Variants in KCNH2 observed in about 807,000 individuals in gnomAD.
The protein encoded by KCNH2 is voltage-gated inwardly rectifying potassium channel KCNH2.
Under a neutral mutation model 95.9 loss-of-function variants are expected in KCNH2, and 35 were observed. The observed-to-expected ratio is 0.37, with a 90% CI of 0.28 to 0.48. The LOEUF (loss-of-function observed/expected upper bound fraction) is 0.48, where lower values mean the gene tolerates loss of function less well. Ranked by LOEUF, KCNH2 falls within the 20% of genes least tolerant of loss-of-function variation. KCNH2 has a pLI of 0.99. For synonymous variants in KCNH2, 786 were observed against 754.7 expected, an observed-to-expected ratio of 1.04 and a Z score of -0.68; for missense variants, 1,274 against 1,702.9, an observed-to-expected ratio of 0.75 and a Z score of 4.43.
At chr7:150,973,915 G>A (rs1239544446) in intron 2 of KCNH2, among the ~76,000 whole-genome samples, 1 of 152,184 alleles carries the variant, frequency 6.6e-6, no homozygotes, top group African/African-American at 2.4e-5. Context: ...TTCCAGAGCC[G>A]CCTCTGCAGC....
At position 150,950,190 on chromosome 7, in the gene KCNH2, G is replaced by A. The variant is rs745993706; in HGVS notation, c.2376C>T (p.Gly792=). 162 of 1,609,186 alleles carry A rather than the reference G, an allele frequency of 1.0e-4. No individual in the cohort carries two copies. Among genetic ancestry groups the A allele is most frequent in the Non-Finnish European group, 1.3e-4 (157 of 1,178,640 alleles). ...ISRGSIEILR[G]DVVVAILGKN... is the part of the protein sequence containing the mutation. ...TACCCAGGATGGCCACGACGACGTC[G>A]CCCCGCAGGATCTCGATGGAGCCCC... The change falls in exon 9 of 15, where the codon GGC becomes GGT. Residue 792 remains glycine (G), a synonymous_variant. Transcript: ENST00000262186.
Position 150,947,043 on chromosome 7 carries a change from C to A in KCNH2, c.3164G>T (p.Arg1055Leu). The A allele has an allele frequency of 6.3e-7, 1 of 1,584,746 alleles. No homozygotes were observed. The highest frequency in any genetic ancestry group is 8.6e-7 in the Non-Finnish European group (1 of 1,163,130). Residue 1055 changes from arginine to leucine, a missense_variant, in exon 14 of 15, where the codon CGG becomes CTG. By Grantham distance (102) the Arg-to-Leu change is moderately radical. Coordinates refer to ENST00000262186, the MANE Select transcript of KCNH2 (RefSeq NM_000238.4). ...GACAGTGGCCATGTCTGCACTCAGCCGGGTCTCCAGCCTGGGGCAGGAAGT... is the reference window on the plus strand; with the variant it reads ...GACAGTGGCCATGTCTGCACTCAGCAGGGTCTCCAGCCTGGGGCAGGAAGT... The part of the protein sequence containing the change: ...LQRQLNRLET[R>L]LSADMATVLQ...
intron 8 of KCNH2, 21 bp from the exon 9 acceptor site, chr7:150,950,441 G>A: frequency 1.2e-6 from 2 of 1,609,540 alleles, no homozygotes; most frequent in East Asian, 4.5e-5. Flanking sequence ...GGTGGGGGCA[G>A]CTCAGCACAC....
rs1801552782 is a variant in KCNH2 at position 150,961,027 on chromosome 7, G to A, written c.308-1291C>T. Among the ~76,000 whole-genome samples, 1 of 152,168 alleles carries A rather than the reference G, an allele frequency of 6.6e-6. No homozygotes were observed. Among genetic ancestry groups the A allele is most frequent in the Admixed American group, 6.5e-5 (1 of 15,286 alleles). On this transcript the variant is annotated intron_variant, in intron 2 of 14. Coordinates refer to ENST00000262186, the MANE Select transcript of KCNH2 (RefSeq NM_000238.4). The surrounding 1 kb of genome is among the most constrained non-coding windows in gnomAD (Gnocchi z 6.2). ...CTCCAGCTCCTCTATGGCCCCCCAG[G>A]GACCCACCAGGCAGGCTCCTCATCT...
At chr7:150,947,572 C>T (rs564771330) in intron 12 of KCNH2, 34 bp downstream of exon 12, 56 of 1,608,760 alleles carry the variant, frequency 3.5e-5, no homozygotes, top group East Asian at 3.1e-4. Context: ...CTGCCACGCC[C>T]GGTCCTCCCT....
rs1554428944 is a variant in KCNH2, at chr7:150,962,627, C to CAGACAGAGAGAGAG, written c.308-2892_308-2891insCTCTCTCTCTGTCT. On this transcript the variant is annotated intron_variant, in intron 2 of 14. Coordinates refer to ENST00000262186, the MANE Select transcript of KCNH2 (RefSeq NM_000238.4). The surrounding 1 kb of genome is among the most constrained non-coding windows in gnomAD (Gnocchi z 5.7). ...CACACTTACACACACACACGAGAGA[C>CAGACAGAGAGAGAG]AGAGAGAGAGAGAGAGAGAGAGAGA... 1.4e-5 allele frequency among the ~76,000 whole-genome samples: 2 copies of CAGACAGAGAGAGAG among 146,264 alleles called. No individual in the cohort carries two copies. The highest frequency in any genetic ancestry group is 3.0e-5 in the Non-Finnish European group (2 of 66,744).
At chr7:150,947,232 A>C in intron 13 of KCNH2, 96 bp downstream of exon 13, 1 of 1,187,674 alleles carries the variant, frequency 8.4e-7, no homozygotes, top group Non-Finnish European at 1.2e-6. Context: ...CAGCTGCTGC[A>C]CACACAGACA....
At position 150,958,182 on chromosome 7, in the gene KCNH2, A is replaced by C; in HGVS notation, c.793T>G (p.Cys265Gly). 1 of 1,356,930 alleles carries C rather than the reference A, an allele frequency of 7.4e-7. No homozygotes were observed. 84.1% of individuals were successfully genotyped at this position (1,356,930 alleles called of 1,614,324 possible). A position where few individuals can be genotyped will look rare whatever the true frequency, so the allele number is the denominator to read the frequency against. Reference protein sequence around the residue: ...SLNPDASGSSCSLARTRSRES... With the variant: ...SLNPDASGSSGSLARTRSRES... Reference sequence around the variant, plus strand: ...CGGGAGCGCGTCCGGGCCAGGCTGCAGCTGGAGCCCGAGGCGTCGGGGTTG... The same window carrying C: ...CGGGAGCGCGTCCGGGCCAGGCTGCCGCTGGAGCCCGAGGCGTCGGGGTTG... The change falls in exon 4 of 15, where the codon TGC becomes GGC. Residue 265 changes from cysteine to glycine, a missense_variant. Transcript: ENST00000262186.
Position 150,958,344 on chromosome 7 carries a change from C to T in KCNH2, c.631G>A (p.Ala211Thr). ...TCCATGGCTGTCACTTCGTCCAGGG[C>T]CAGCGACTCGCTGCTGGGTGCCGCG... ...TPAAPSSESL[A>T]LDEVTAMDNH... Residue 211 changes from alanine to threonine, a missense_variant, in exon 4 of 15, where the codon GCC becomes ACC. Ala to Thr is a moderately conservative substitution (Grantham distance 58). This residue lies in a region of KCNH2 where 392 missense variants were observed against 429.9 expected (regional missense o/e 0.91). Transcript: ENST00000262186. The T allele has an allele frequency of 1.3e-6, 2 of 1,489,234 alleles. No homozygotes were observed. The highest frequency in any genetic ancestry group is 1.8e-6 in the Non-Finnish European group (2 of 1,127,292). 92.3% of individuals were successfully genotyped at this position (1,489,234 alleles called of 1,614,324 possible).
At chr7:150,975,774 G>T (rs1407649263) in intron 1 of KCNH2, among the ~76,000 whole-genome samples, 2 of 152,226 alleles carry the variant, frequency 1.3e-5, no homozygotes, top group East Asian at 3.8e-4. Flanking sequence ...AGGGTCACAG[G>T]CAGAAGCCCA....
At chr7:150,955,866 A>T in intron 5 of KCNH2, 2 of 848,194 alleles carry the variant, frequency 2.4e-6, no homozygotes, top group Admixed American at 1.4e-4. Flanking sequence ...ACCCCGCCAC[A>T]CTAGGCTCCC....
chr7:150,962,982 G>C lies in KCNH2; in HGVS notation c.308-3246C>G, dbSNP rs922018386. ...CCCACCACTGGCTGGGTTATGGGGG[G>C]ATGGGAGTCCCTTCACTTGCCCCAG... On this transcript the variant is annotated intron_variant, in intron 2 of 14. Transcript: ENST00000262186. This position sits in a 1 kb window ranked among gnomAD's most constrained non-coding sequence, Gnocchi z 5.7. Among the ~76,000 whole-genome samples the C allele has an allele frequency of 1.3e-4, 20 of 152,180 alleles. No homozygotes were observed. Among genetic ancestry groups the C allele is most frequent in the African/African-American group, 4.8e-4 (20 of 41,454 alleles).
intron 13 of KCNH2, 63 bp from the exon 14 acceptor site, chr7:150,947,117 GTGGGGA>G: frequency 3.2e-6 from 4 of 1,266,498 alleles, no homozygotes; most frequent in Non-Finnish European, 4.4e-6. Context: ...TCCACCGGGA[GTGGGGA>G]AGGGGAAGGG....
At chr7:150,949,638 C>T in intron 9 of KCNH2, 1 of 1,113,244 alleles carries the variant, frequency 9.0e-7, no homozygotes, top group Non-Finnish European at 1.1e-6. Context: ...CTATATCTGC[C>T]CTGAGGCACA....
chr7:150,947,245 C>A lies in KCNH2; in HGVS notation c.3152+83G>T, dbSNP rs190636009. 3.3e-3 allele frequency: 4,170 copies of A among 1,245,086 alleles called. 19 individuals carry two copies. Among genetic ancestry groups the A allele is most frequent in the South Asian group, 7.2e-3 (509 of 70,734 alleles). 77.1% of individuals were successfully genotyped at this position (1,245,086 alleles called of 1,614,324 possible). The stretch of plus-strand genomic sequence containing the variant: ...TCCAGCTGCTGCACACACAGACAGG[C>A]CCTCTCCCTCTACCAGACAACACCG... On this transcript the variant is annotated intron_variant, in intron 13 of 14. Coordinates refer to ENST00000262186, the MANE Select transcript of KCNH2 (RefSeq NM_000238.4).
At chr7:150,954,514 C>T (rs1801299481) in intron 5 of KCNH2, among the ~76,000 whole-genome samples, 1 of 152,228 alleles carries the variant, frequency 6.6e-6, no homozygotes, top group Non-Finnish European at 1.5e-5. Context: ...AGCTCTGCAG[C>T]CACCAGCTCA....
At chr7:150,951,976 C>T (rs933159811) in intron 6 of KCNH2, 141 bp from the exon 7 acceptor site, 3 of 751,604 alleles carry the variant, frequency 4.0e-6, no homozygotes, top group Admixed American at 2.9e-5. Flanking sequence ...AGGTGAAGCC[C>T]ACACTGGGCC....
chr7:150,965,346 A>G (rs1007914639), intron 2 of KCNH2, among the ~76,000 whole-genome samples: 1 of 152,096 alleles, frequency 6.6e-6, no homozygotes, highest in Non-Finnish European at 1.5e-5. Flanking sequence ...GACCACAGCA[A>G]TGCCTCAGAA....
intron 9 of KCNH2, chr7:150,949,577 G>C: frequency 9.5e-7 from 1 of 1,051,008 alleles, no homozygotes; most frequent in Non-Finnish European, 1.2e-6. Context: ...GTACAGAGCT[G>C]AGAAACAAAG....
Sources: gnomAD v4.1 joint callset for allele counts (sites outside exome capture counted in the v4.1 genomes callset) on GRCh38, gnomAD v4.1.1 for gene constraint, gnomAD v4.1.1 regional missense constraint, Gnocchi (gnomAD v3.1) non-coding constraint, MANE v1.5 for transcripts, NCBI Gene and HGNC (gene_info 2026-07-23, HGNC 2026-07-21) for gene names.